Variants in ZNRF1 observed in about 807,000 individuals in gnomAD.
ZNRF1 encodes the protein zinc and ring finger 1.
A neutral mutation model predicts 18.4 loss-of-function variants in ZNRF1; 3 were observed. The ratio of observed to expected loss-of-function variants is 0.16; its 90% confidence interval spans 0.07 to 0.42. The LOEUF (loss-of-function observed/expected upper bound fraction) is 0.42. Ranked by LOEUF, ZNRF1 falls within the 10% of genes least tolerant of loss-of-function variation. The pLI is 0.99. For missense variants in ZNRF1, 310 were observed against 329.8 expected, an observed-to-expected ratio of 0.94 and a Z score of 0.47; for synonymous variants, 157 against 144.2, an observed-to-expected ratio of 1.09 and a Z score of -0.64.
chr16:75,034,664 G>A (rs546281155), intron 1 of ZNRF1, among the ~76,000 whole-genome samples: 3 of 152,218 alleles, frequency 2.0e-5, no homozygotes, highest in East Asian at 1.9e-4. Flanking sequence ...GCCTGGCTCC[G>A]TTACCCAGTC....
At chr16:75,082,831 G>A (rs2036029516) in intron 1 of ZNRF1, among the ~76,000 whole-genome samples, 1 of 152,200 alleles carries the variant, frequency 6.6e-6, no homozygotes, top group Admixed American at 6.5e-5. Context: ...TGGGATTCGA[G>A]GCATGAGCCA....
chr16:75,004,704 CTT>C (rs2034896062), intron 1 of ZNRF1, among the ~76,000 whole-genome samples: 1 of 152,202 alleles, frequency 6.6e-6, no homozygotes, highest in African/African-American at 2.4e-5. Context: ...GCCTCAAACT[CTT>C]GGGCTCAAGC....
At chr16:75,045,731 T>C (rs2035506895) in intron 1 of ZNRF1, among the ~76,000 whole-genome samples, 4 of 150,892 alleles carry the variant, frequency 2.7e-5, no homozygotes, top group Admixed American at 2.6e-4. Context: ...TTTTTTTTTT[T>C]TTTTCCAGAG....
intron 1 of ZNRF1, among the ~76,000 whole-genome samples, chr16:75,036,000 C>T (rs1426038962): frequency 2.0e-5 from 3 of 152,158 alleles, no homozygotes; most frequent in Admixed American, 1.3e-4. Context: ...GCACCAGTTG[C>T]GACCAATTAT....
intron 1 of ZNRF1, among the ~76,000 whole-genome samples, chr16:75,056,190 C>G (rs936259140): frequency 3.3e-5 from 5 of 152,172 alleles, no homozygotes; most frequent in African/African-American, 1.2e-4. Context: ...GAATTGGAAT[C>G]TTCTTCTTAA....
intron 1 of ZNRF1, among the ~76,000 whole-genome samples, chr16:75,036,408 G>C (rs2035376464): frequency 2.0e-5 from 3 of 152,130 alleles, no homozygotes; most frequent in Admixed American, 2.0e-4. Flanking sequence ...TGAGATTACA[G>C]CCGTGAGCCA....
intron 1 of ZNRF1, among the ~76,000 whole-genome samples, chr16:75,092,526 G>C (rs962496727): frequency 1.9e-4 from 29 of 152,208 alleles, no homozygotes; most frequent in African/African-American, 6.8e-4. Context: ...GAAAAGAATT[G>C]ATCCATTTGA....
At chr16:75,015,581 A>G (rs191423414) in intron 1 of ZNRF1, among the ~76,000 whole-genome samples, 76 of 152,300 alleles carry the variant, frequency 5.0e-4, no homozygotes, top group African/African-American at 1.8e-3. Context: ...GTCTTTAAAA[A>G]AAAATCGTGT....
At chr16:75,064,252 G>A (rs904730885) in intron 1 of ZNRF1, among the ~76,000 whole-genome samples, 1 of 152,124 alleles carries the variant, frequency 6.6e-6, no homozygotes, top group Non-Finnish European at 1.5e-5. Context: ...GGTGAGCCAA[G>A]ATTTGTGCCA....
intron 1 of ZNRF1, among the ~76,000 whole-genome samples, chr16:75,065,251 C>G (rs572811346): frequency 1.3e-5 from 2 of 152,312 alleles, no homozygotes; most frequent in Non-Finnish European, 1.5e-5. Context: ...TCACCCAACC[C>G]CGAGGTGCCT....
intron 1 of ZNRF1, among the ~76,000 whole-genome samples, chr16:75,061,289 C>T (rs984145795): frequency 5.3e-5 from 8 of 152,124 alleles, no homozygotes; most frequent in Non-Finnish European, 8.8e-5. Context: ...CCATCCCCAC[C>T]TCCCCCCACA....
At chr16:75,065,817 G>A (rs1286196746) in intron 1 of ZNRF1, among the ~76,000 whole-genome samples, 1 of 152,148 alleles carries the variant, frequency 6.6e-6, no homozygotes, top group Non-Finnish European at 1.5e-5. Flanking sequence ...GCTAGTGGTA[G>A]CCCCTCCTGT....
intron 1 of ZNRF1, among the ~76,000 whole-genome samples, chr16:75,030,875 C>G (rs1417322080): frequency 1.6e-5 from 2 of 123,444 alleles, no homozygotes; most frequent in African/African-American, 3.0e-5. Flanking sequence ...GAGCCTCGCT[C>G]TGTCACCCAG....
At chr16:75,029,262 T>C (rs1023936840) in intron 1 of ZNRF1, among the ~76,000 whole-genome samples, 41 of 152,278 alleles carry the variant, frequency 2.7e-4, no homozygotes, top group African/African-American at 6.7e-4. Flanking sequence ...TTCTCCTGCC[T>C]CAGCCACCCA....
At chr16:75,106,282 G>A in intron 3 of ZNRF1, 200 bp from the exon 4 acceptor site, 1 of 582,272 alleles carries the variant, frequency 1.7e-6, no homozygotes, top group Non-Finnish European at 3.1e-6. Context: ...CCTCCACCTG[G>A]GCCAAGACTA....
At chr16:75,078,296 CTTTTTTTTT>C (rs36075131) in intron 1 of ZNRF1, among the ~76,000 whole-genome samples, 1 of 113,128 alleles carries the variant, frequency 8.8e-6, no homozygotes, top group Non-Finnish European at 1.8e-5. Flanking sequence ...TCTTTCTTTC[CTTTTTTTTT>C]TTTTTTTTTT....
At chr16:75,031,644 C>T (rs1048134621) in intron 1 of ZNRF1, among the ~76,000 whole-genome samples, 1 of 151,988 alleles carries the variant, frequency 6.6e-6, no homozygotes, top group Non-Finnish European at 1.5e-5. Context: ...GTAACTGGGA[C>T]TACAGGCGCT....
intron 1 of ZNRF1, among the ~76,000 whole-genome samples, chr16:75,031,489 G>GT (rs1189891653): frequency 6.6e-6 from 1 of 151,658 alleles, no homozygotes; most frequent in African/African-American, 2.4e-5. Flanking sequence ...TTTTTCTAAG[G>GT]TTTTTTGTTT....
At chr16:75,044,413 G>T (rs182016792) in intron 1 of ZNRF1, among the ~76,000 whole-genome samples, 5 of 152,128 alleles carry the variant, frequency 3.3e-5, no homozygotes, top group African/African-American at 1.2e-4. Context: ...TTTTAGTAGA[G>T]ACTGGCTTTT....
Sources: allele counts gnomAD v4.1 joint callset (sites outside exome capture counted in the v4.1 genomes callset), GRCh38; gene constraint gnomAD v4.1.1; transcripts MANE v1.5; gene names NCBI Gene and HGNC (gene_info 2026-07-23, HGNC 2026-07-21).